HDGF: variants seen among roughly 807,000 people sequenced by gnomAD.
HDGF encodes the protein heparin binding growth factor.
In HDGF, 5 loss-of-function variants were observed where a neutral mutation model predicts 30.0. The ratio of observed to expected loss-of-function variants is 0.17; its 90% CI spans 0.09 to 0.35. The LOEUF is 0.35. HDGF is among the 10% of genes least tolerant of loss of function. The pLI is 1.00. For synonymous variants in HDGF, 133 were observed against 112.7 expected (o/e 1.18, Z -1.14); for missense variants, 214 against 302.8 (o/e 0.71, Z 2.18).
chr1:156,751,911 G>A, upstream of HDGF: 1 of 1,038,490 alleles, frequency 9.6e-7, no homozygotes, highest in Non-Finnish European at 1.3e-6. This position sits in a 1 kb window ranked among gnomAD's most constrained non-coding sequence, Gnocchi z 4.7. Context: ...ATAAGGAGCC[G>A]ATCGCCGAGC....
chr1:156,750,667 C>T (rs926483879), intron 1 of HDGF: 1 of 152,382 alleles, frequency 6.6e-6, no homozygotes, highest in African/African-American at 2.4e-5. Flanking sequence ...GAGTTGGCAG[C>T]ATATGGAGGA....
intron 4 of HDGF, 49 bp from the exon 5 acceptor site, chr1:156,743,927 A>G (rs1264104484): frequency 7.3e-7 from 1 of 1,376,194 alleles, no homozygotes; most frequent in East Asian, 2.3e-5. Context: ...GAGGGAGGCC[A>G]CCAGCCACCC....
chr1:156,757,863 C>T (rs2102737539), intron 2 of HDGF, among the ~76,000 whole-genome samples: 1 of 152,202 alleles, frequency 6.6e-6, no homozygotes, highest in South Asian at 2.1e-4. Flanking sequence ...GTACTGGCCA[C>T]ATTGCAAGTG....
chr1:156,757,514 C>T (rs1170884181), intron 2 of HDGF, among the ~76,000 whole-genome samples: 1 of 150,314 alleles, frequency 6.7e-6, no homozygotes, highest in Non-Finnish European at 1.5e-5. Context: ...AATTAAAGGC[C>T]GGGTGTGGTG....
chr1:156,749,534 G>A (rs1285342127), intron 1 of HDGF, among the ~76,000 whole-genome samples: 2 of 152,200 alleles, frequency 1.3e-5, no homozygotes, highest in African/African-American at 4.8e-5. Context: ...CCCTACCCCA[G>A]TTCTAACTTT....
In HDGF at chr1:156,742,884, T is replaced by C. The variant is rs1425833744; in HGVS notation, c.*565A>G. The C allele has an allele frequency of 6.5e-6, 1 of 154,820 alleles. No individual in the cohort carries two copies. The highest frequency in any genetic ancestry group is 1.5e-5 in the Non-Finnish European group (1 of 68,300). The allele number at this position is 154,820 out of a possible 1,614,324, so 9.6% of individuals were successfully genotyped here. A position where few individuals can be genotyped will look rare whatever the true frequency, so the allele number is the denominator to read the frequency against. On this transcript the variant is annotated 3_prime_UTR_variant, in exon 6 of 6. Coordinates refer to ENST00000357325, the MANE Select transcript of HDGF (RefSeq NM_004494.3). Reference sequence around the variant, plus strand: ...TCAAGGATTTATGGAAAGGAGCCCCTCCCCTACAAGCTGTCCCACTTTCCC... The same window carrying C: ...TCAAGGATTTATGGAAAGGAGCCCCCCCCCTACAAGCTGTCCCACTTTCCC...
chr1:156,752,454 G>A, upstream of HDGF: 2 of 1,223,230 alleles, frequency 1.6e-6, no homozygotes, highest in Middle Eastern at 2.2e-4. Flanking sequence ...GTTCTAGTCG[G>A]TTACGGTAGA....
rs765281442 is a variant in HDGF at position 156,743,634 on chromosome 1, G to T, written c.716+18C>A. 4 of 1,593,196 alleles carry T rather than the reference G, an allele frequency of 2.5e-6. No individual in the cohort carries two copies. Among genetic ancestry groups the T allele is most frequent in the Non-Finnish European group, 3.4e-6 (4 of 1,161,196 alleles). On this transcript the variant is annotated intron_variant, in intron 5 of 5. Transcript: ENST00000357325. The stretch of plus-strand genomic sequence containing the variant: ...TCCCCCCTAGTCCAGCTGCCAAGGG[G>T]TCAGGGGGCTCACTCACCTCTCATG...
chr1:156,747,783 G>T (rs768496270), intron 1 of HDGF, among the ~76,000 whole-genome samples: 11 of 152,290 alleles, frequency 7.2e-5, no homozygotes, highest in Non-Finnish European at 1.5e-4. Flanking sequence ...AAGAGGGTGT[G>T]TGTGGGTGAA....
rs146810668 is a variant in HDGF at position 156,758,592 on chromosome 1, C to CAAAAAAA, written n.373+384_373+390dup. On this transcript the variant is annotated intron_variant and non_coding_transcript_variant, in intron 2 of 7. Coordinates refer to the HDGF transcript ENST00000465180. Reference sequence around the variant, plus strand: ...TGGGTGACAGAGCGAGACTCCGTCTCAAAAAAAAAAATAAATAAATAAATA... The same window carrying CAAAAAAA: ...TGGGTGACAGAGCGAGACTCCGTCTCAAAAAAAAAAAAAAAAAATAAATAAATAAATA... 1.1e-3 allele frequency among the ~76,000 whole-genome samples: 98 copies of CAAAAAAA among 85,948 alleles called. 2 individuals carry two copies. Among genetic ancestry groups the CAAAAAAA allele is most frequent in the South Asian group, 7.9e-3 (19 of 2,400 alleles). 56.4% of individuals were successfully genotyped at this position (85,948 alleles called of 152,430 possible). A position where few individuals can be genotyped will look rare whatever the true frequency, so the allele number is the denominator to read the frequency against.
intron 3 of HDGF, chr1:156,744,706 A>C (rs1262246412): frequency 3.7e-6 from 2 of 541,000 alleles, no homozygotes; most frequent in Non-Finnish European, 6.1e-6. Flanking sequence ...GCCTTTGTGG[A>C]AAGAGTTAAG....
chr1:156,751,414 G>T lies in HDGF; in HGVS notation c.16C>A (p.Arg6=). ...TCCCCGCATTTGTACTCCTTCTGCCGGTTGGATCGCGACATGGCGGGGCTC... is the reference window on the plus strand; with the variant it reads ...TCCCCGCATTTGTACTCCTTCTGCCTGTTGGATCGCGACATGGCGGGGCTC... MSRSN[R]QKEYKCGDLV... Residue 6 remains arginine (R), a synonymous_variant, in exon 1 of 6, where the codon CGG becomes AGG. Coordinates refer to ENST00000357325, the MANE Select transcript of HDGF (RefSeq NM_004494.3). The surrounding 1 kb of genome is among the most constrained non-coding windows in gnomAD (Gnocchi z 4.7). The T allele has an allele frequency of 6.3e-7, 1 of 1,593,194 alleles. No homozygotes were observed. Among genetic ancestry groups the T allele is most frequent in the Non-Finnish European group, 8.6e-7 (1 of 1,169,572 alleles).
chr1:156,757,453 A>G (rs1457561472), intron 2 of HDGF, among the ~76,000 whole-genome samples: 7 of 148,754 alleles, frequency 4.7e-5, no homozygotes, highest in Non-Finnish European at 1.0e-4. Flanking sequence ...GCGACAGGGC[A>G]AGACTCCGTC....
At chr1:156,743,919 G>T in intron 4 of HDGF, 41 bp from the exon 5 acceptor site, 1 of 1,477,512 alleles carries the variant, frequency 6.8e-7, no homozygotes, top group South Asian at 1.1e-5. Flanking sequence ...AGGCTGGAGA[G>T]GGAGGCCACC....
intron 1 of HDGF, chr1:156,750,521 G>C (rs1239580261): frequency 6.6e-6 from 1 of 152,492 alleles, no homozygotes; most frequent in African/African-American, 2.4e-5. Context: ...ACATGGCAGA[G>C]ACTGGGCCGT....
upstream of HDGF, chr1:156,751,769 C>A: frequency 1.9e-6 from 2 of 1,061,890 alleles, no homozygotes; most frequent in East Asian, 6.2e-5. This position sits in a 1 kb window ranked among gnomAD's most constrained non-coding sequence, Gnocchi z 4.7. Flanking sequence ...ACCCACTCCT[C>A]CTCCTCCCCC....
upstream of HDGF, among the ~76,000 whole-genome samples, chr1:156,757,390 C>T (rs924635941): frequency 2.6e-5 from 4 of 151,868 alleles, no homozygotes; most frequent in East Asian, 1.9e-4. Context: ...CGCTTGAACC[C>T]GGGAGGCGGA....
intron 1 of HDGF, 97 bp from the exon 2 acceptor site, chr1:156,745,470 A>C (rs918628953): frequency 4.1e-5 from 40 of 976,566 alleles, no homozygotes; most frequent in Non-Finnish European, 6.0e-5. Flanking sequence ...ATAAAATCAG[A>C]CTGAGAGGGA....
chr1:156,744,411 G>C (rs755438484), intron 3 of HDGF, 63 bp from the exon 4 acceptor site: 3 of 1,595,840 alleles, frequency 1.9e-6, no homozygotes, highest in East Asian at 4.5e-5. Context: ...CCCCTCCCCA[G>C]ACCCTCCCTC....
Sources: allele counts gnomAD v4.1 joint callset (sites outside exome capture counted in the v4.1 genomes callset), GRCh38; gene constraint gnomAD v4.1.1; non-coding constraint Gnocchi (gnomAD v3.1); transcripts MANE v1.5; gene names NCBI Gene and HGNC (gene_info 2026-07-23, HGNC 2026-07-21).